CA10: variants seen among roughly 807,000 people sequenced by gnomAD.
CA10 encodes the protein carbonic anhydrase 10 (inactive), also known as carbonic anhydrase-related protein 10.
In CA10, 14 loss-of-function variants were observed where a neutral mutation model predicts 44.2. The observed-to-expected ratio is 0.32, with a 90% CI of 0.21 to 0.50. CA10 has a LOEUF of 0.50. CA10 is among the 20% of genes least tolerant of loss of function. The pLI, the probability that CA10 is intolerant of heterozygous loss-of-function variation, is 0.99. For synonymous variants in CA10, 159 were observed against 141.6 expected (o/e 1.12, Z -0.87); for missense variants, 350 against 409.7 (o/e 0.85, Z 1.26).
At chr17:51,666,276 G>C (rs1179866633) in intron 4 of CA10, among the ~76,000 whole-genome samples, 6 of 152,212 alleles carry the variant, frequency 3.9e-5, no homozygotes, top group Non-Finnish European at 8.8e-5. Flanking sequence ...CTGGAGCCCA[G>C]AAGGGAAGGG....
rs9896118 is a variant in CA10 at position 51,714,600 on chromosome 17, C to A, written c.465+33033G>T. Among the ~76,000 whole-genome samples, 700 of 152,270 alleles carry A rather than the reference C, an allele frequency of 4.6e-3. 8 individuals are homozygous for A. Among genetic ancestry groups the A allele is most frequent in the African/African-American group, 0.016 (676 of 41,554 alleles). On this transcript the variant is annotated intron_variant, in intron 4 of 8. Transcript: ENST00000451037. ...TGGGTGGGTAGAGACACACTGGTTTCAAACATGGGAGATATGACTGAGAAG... is the reference window on the plus strand; with the variant it reads ...TGGGTGGGTAGAGACACACTGGTTTAAAACATGGGAGATATGACTGAGAAG...
chr17:52,151,383 T>C (rs1004380792), intron 1 of CA10, among the ~76,000 whole-genome samples: 3 of 152,168 alleles, frequency 2.0e-5, no homozygotes, highest in African/African-American at 7.2e-5. Flanking sequence ...TTTTGAAATC[T>C]CATGTGTTCT....
chr17:51,976,161 A>T (rs1039939272), intron 2 of CA10, among the ~76,000 whole-genome samples: 1 of 152,212 alleles, frequency 6.6e-6, no homozygotes, highest in Non-Finnish European at 1.5e-5. Flanking sequence ...TCAAACTCTC[A>T]AAGTTTCTAA....
intron 3 of CA10, among the ~76,000 whole-genome samples, chr17:51,859,436 T>C (rs1979202731): frequency 6.6e-6 from 1 of 152,166 alleles, no homozygotes; most frequent in Admixed American, 6.6e-5. Context: ...TGTTCCCTCA[T>C]ATTGGAATTA....
intron 1 of CA10, among the ~76,000 whole-genome samples, chr17:52,123,066 C>A (rs1001493160): frequency 1.3e-5 from 2 of 152,088 alleles, no homozygotes; most frequent in Non-Finnish European, 2.9e-5. Context: ...TGGGAGATCA[C>A]CTATGATTGC....
chr17:51,971,343 T>C (rs1380709563), intron 2 of CA10, among the ~76,000 whole-genome samples: 1 of 152,116 alleles, frequency 6.6e-6, no homozygotes, highest in Non-Finnish European at 1.5e-5. Context: ...CAGAAATTTC[T>C]TTCATAAGAA....
At position 51,717,900 on chromosome 17, in the gene CA10, G is replaced by A. The variant is rs1180075630; in HGVS notation, c.465+29733C>T. Among the ~76,000 whole-genome samples, 4 of 3,158 alleles carry A rather than the reference G, an allele frequency of 1.3e-3. 1 individual carries two copies. Among genetic ancestry groups the A allele is most frequent in the Non-Finnish European group, 1.5e-3 (3 of 1,952 alleles). The allele number at this position is 3,158 out of a possible 152,430, so 2.1% of individuals were successfully genotyped here. A position where few individuals can be genotyped will look rare whatever the true frequency, so the allele number is the denominator to read the frequency against. Reference sequence around the variant, plus strand: ...TAGAATACTCACTCAGCCATAAAAAGGAATGAATTAACAGGATTTGCGACT... The same window carrying A: ...TAGAATACTCACTCAGCCATAAAAAAGAATGAATTAACAGGATTTGCGACT... On this transcript the variant is annotated intron_variant, in intron 4 of 8. Transcript: ENST00000451037.
At chr17:51,716,741 A>T (rs932219340) in intron 4 of CA10, among the ~76,000 whole-genome samples, 1 of 152,246 alleles carries the variant, frequency 6.6e-6, no homozygotes, top group Non-Finnish European at 1.5e-5. Flanking sequence ...ACAGGCCTCA[A>T]TAAATGTTGA....
intron 1 of CA10, among the ~76,000 whole-genome samples, chr17:52,121,243 T>C (rs1444108805): frequency 6.6e-6 from 1 of 152,194 alleles, no homozygotes; most frequent in Non-Finnish European, 1.5e-5. Flanking sequence ...CCAAGCACTC[T>C]CAAAGGATTC....
At chr17:51,712,371 C>A (rs908834773) in intron 4 of CA10, among the ~76,000 whole-genome samples, 21 of 152,204 alleles carry the variant, frequency 1.4e-4, no homozygotes, top group African/African-American at 4.8e-4. Context: ...AGGGAAAAAT[C>A]ACAACATGAC....
intron 1 of CA10, among the ~76,000 whole-genome samples, chr17:52,111,313 T>A (rs1988785169): frequency 6.6e-6 from 1 of 152,244 alleles, no homozygotes; most frequent in Non-Finnish European, 1.5e-5. Context: ...TGATGCAGAT[T>A]ATACTTGTAA....
At chr17:52,041,804 A>G (rs1296016464) in intron 2 of CA10, among the ~76,000 whole-genome samples, 1 of 151,856 alleles carries the variant, frequency 6.6e-6, no homozygotes, top group Non-Finnish European at 1.5e-5. Flanking sequence ...ATGAGTTCTA[A>G]TTTTTTATTT....
intron 6 of CA10, among the ~76,000 whole-genome samples, chr17:51,640,020 C>A (rs1388836945): frequency 1.3e-5 from 2 of 152,212 alleles, no homozygotes; most frequent in Non-Finnish European, 2.9e-5. Flanking sequence ...GACTCCCTGG[C>A]TTCCCCAGCT....
chr17:51,878,568 C>T (rs917647601), intron 3 of CA10, among the ~76,000 whole-genome samples: 8 of 151,944 alleles, frequency 5.3e-5, no homozygotes, highest in African/African-American at 1.9e-4. Flanking sequence ...GAACTCAACT[C>T]TGTAGGCACC....
At chr17:51,817,188 G>T (rs1177719174) in intron 3 of CA10, among the ~76,000 whole-genome samples, 1 of 152,126 alleles carries the variant, frequency 6.6e-6, no homozygotes, top group Non-Finnish European at 1.5e-5. Flanking sequence ...GGTTTTTTAT[G>T]GATCATCAAG....
At chr17:51,683,059 T>C (rs1423487813) in intron 4 of CA10, among the ~76,000 whole-genome samples, 1 of 152,242 alleles carries the variant, frequency 6.6e-6, no homozygotes, top group African/African-American at 2.4e-5. Context: ...GGGTTTCTAA[T>C]GATCGGCTAG....
chr17:52,102,419 AG>A (rs1988560811), intron 1 of CA10, among the ~76,000 whole-genome samples: 1 of 152,250 alleles, frequency 6.6e-6, no homozygotes, highest in East Asian at 1.9e-4. Context: ...GAGAAGACAG[AG>A]ATAGGCCTTG....
At position 52,079,235 on chromosome 17, in the gene CA10, G is replaced by A. The variant is rs140270871; in HGVS notation, c.62-6842C>T. Among the ~76,000 whole-genome samples, 1,004 of 152,102 alleles carry A rather than the reference G, an allele frequency of 6.6e-3. 7 individuals carry two copies. The highest frequency in any genetic ancestry group is 0.022 in the African/African-American group (934 of 41,540). On this transcript the variant is annotated intron_variant, in intron 1 of 8. Transcript: ENST00000451037. ...GGGGAGGCGGAGCTTGCAGTGAGCC[G>A]AGATTGCACCACTGCACTCCAGCCT...
intron 3 of CA10, among the ~76,000 whole-genome samples, chr17:51,825,257 A>G (rs1013010234): frequency 3.9e-5 from 6 of 152,186 alleles, no homozygotes; most frequent in Non-Finnish European, 8.8e-5. Flanking sequence ...ATTATCGAAA[A>G]CTGTGTCAAA....
Sources: gnomAD v4.1 joint callset for allele counts (sites outside exome capture counted in the v4.1 genomes callset) on GRCh38, gnomAD v4.1.1 for gene constraint, MANE v1.5 for transcripts, NCBI Gene and HGNC (gene_info 2026-07-23, HGNC 2026-07-21) for gene names.